The following PRKX variants were observed in gnomAD, a reference collection of about 807,000 sequenced individuals.
PRKX encodes cAMP-dependent protein kinase catalytic subunit PRKX.
In PRKX, 12 loss-of-function variants were observed where a neutral mutation model predicts 22.0. The ratio of observed to expected loss-of-function variants is 0.54; its 90% CI spans 0.35 to 0.88. PRKX has a LOEUF of 0.88. Ranked by LOEUF, PRKX falls within the 40% of genes least tolerant of loss-of-function variation. The pLI, the probability that PRKX is intolerant of heterozygous loss-of-function variation, is 0.01. For synonymous variants in PRKX, 134 were observed against 137.7 expected (o/e 0.97, Z 0.19); for missense variants, 217 against 308.0 (o/e 0.70, Z 2.21).
intron 2 of PRKX, among the ~76,000 whole-genome samples, chrX:3,673,631 G>A (rs765014580): frequency 9.0e-6 from 1 of 110,992 alleles, no homozygotes; most frequent in East Asian, 2.9e-4. Context: ...CAAGATGGCG[G>A]AGGGAAGACG....
chrX:3,621,379 C>T (rs2146560270), intron 5 of PRKX, 63 bp from the exon 6 acceptor site: 11 of 971,607 alleles, frequency 1.1e-5, no homozygotes, highest in Middle Eastern at 2.6e-4. Context: ...CATCAGCAAA[C>T]GCAGCATGGC....
intron 2 of PRKX, among the ~76,000 whole-genome samples, chrX:3,666,417 A>G (rs1323582564): frequency 2.7e-5 from 3 of 110,318 alleles, no homozygotes; most frequent in Admixed American, 9.7e-5. Flanking sequence ...CGGCCTCCCA[A>G]AGTGCTGGGA....
intron 4 of PRKX, among the ~76,000 whole-genome samples, chrX:3,629,246 CT>C (rs370663764): frequency 0.16 from 15,966 of 102,717 alleles, 1,027 homozygotes; most frequent in East Asian, 0.27. Flanking sequence ...CAGTGAACTA[CT>C]TTTTTTTTTT....
chrX:3,695,680 G>C (rs1173024142), intron 1 of PRKX, among the ~76,000 whole-genome samples: 1 of 111,916 alleles, frequency 8.9e-6, no homozygotes, highest in Non-Finnish European at 1.9e-5. Flanking sequence ...CAAAGTTTGA[G>C]TCACAGCGCA....
At position 3,651,551 on chromosome X, in the gene PRKX, G is replaced by A. The variant is rs765704930; in HGVS notation, c.599+3598C>T. 4.5e-5 allele frequency among the ~76,000 whole-genome samples: 5 copies of A among 111,916 alleles called. No individual in the cohort carries two copies. The East Asian group carries it at 1.4e-3, about 31-fold the overall frequency. On this transcript the variant is annotated intron_variant, in intron 3 of 8. Coordinates refer to ENST00000262848, the MANE Select transcript of PRKX (RefSeq NM_005044.5). Reference sequence around the variant, plus strand: ...TTCCATGTGCCTTATTTTTGGAAATGTAGTACAAGAAATACTATAGGGGAA... The same window carrying A: ...TTCCATGTGCCTTATTTTTGGAAATATAGTACAAGAAATACTATAGGGGAA...
intron 6 of PRKX, among the ~76,000 whole-genome samples, chrX:3,616,835 G>A (rs1926429823): frequency 8.9e-6 from 1 of 111,815 alleles, no homozygotes; most frequent in Non-Finnish European, 1.9e-5. Flanking sequence ...TAGCTGTTGA[G>A]TTTTCCCTTC....
At chrX:3,612,146 T>C in intron 8 of PRKX, 31 bp downstream of exon 8, 1 of 1,164,175 alleles carries the variant, frequency 8.6e-7, no homozygotes, top group Non-Finnish European at 1.2e-6. Flanking sequence ...TCAGTCTCAT[T>C]TTTTGGGAAT....
At chrX:3,690,027 G>A (rs1465431041) in intron 1 of PRKX, among the ~76,000 whole-genome samples, 4 of 111,708 alleles carry the variant, frequency 3.6e-5, no homozygotes, top group Admixed American at 9.5e-5. Context: ...TGAATAAACT[G>A]AAAACTAAAG....
chrX:3,663,779 C>A (rs962300269), intron 2 of PRKX, among the ~76,000 whole-genome samples: 2 of 110,554 alleles, frequency 1.8e-5, no homozygotes, highest in African/African-American at 6.6e-5. Context: ...AAATGAGGAA[C>A]TGATTAGGGC....
chrX:3,713,084 T>TCACC lies in PRKX; in HGVS notation c.166_166+3dup, dbSNP rs1338138942. 8.6e-7 allele frequency: 1 copy of TCACC among 1,161,035 alleles called. No individual in the cohort carries two copies. The highest frequency in any genetic ancestry group is 2.5e-5 in the Admixed American group (1 of 39,420). On this transcript the variant is annotated splice_donor_region_variant and intron_variant, in intron 1 of 8. Transcript: ENST00000262848. ...GGGCCGAGTCCCCGCCCGCACTCAC[T>TCACC]CACCCACGGTGGCCAGCGTGTCAAA...
At position 3,713,201 on chromosome X, in the gene PRKX, T is replaced by A. The variant is rs1427224300; in HGVS notation, c.53A>T (p.Lys18Met). ...QAAAAESDSRKVAEETPDGAP... is the reference protein window; with the variant it reads ...QAAAAESDSRMVAEETPDGAP... ...CCCGTCGGGGGTCTCCTCCGCCACC[T>A]TGCGGGAGTCGCTCTCCGCCGCGGC... The change falls in exon 1 of 9, where the codon AAG (lysine) becomes ATG (methionine). Residue 18 changes from lysine to methionine, a missense_variant. Physicochemically the swap from Lys to Met is moderately conservative, Grantham distance 95. Transcript: ENST00000262848. The A allele has an allele frequency of 3.7e-6, 4 of 1,091,597 alleles. No individual in the cohort carries two copies. The South Asian group carries it at 9.1e-5, about 25-fold the overall frequency. The allele number at this position is 1,091,597 out of a possible 1,213,427, so 90.0% of individuals were successfully genotyped here. A position where few individuals can be genotyped will look rare whatever the true frequency, so the allele number is the denominator to read the frequency against.
intron 4 of PRKX, among the ~76,000 whole-genome samples, chrX:3,640,313 G>A (rs961715604): frequency 3.6e-5 from 4 of 111,073 alleles, no homozygotes; most frequent in Non-Finnish European, 5.7e-5. Context: ...CCAGAGAGAA[G>A]AGCCTTTCGT....
At chrX:3,699,947 G>A in intron 1 of PRKX, among the ~76,000 whole-genome samples, 1 of 111,620 alleles carries the variant, frequency 9.0e-6, no homozygotes, top group African/African-American at 3.3e-5. Context: ...GGCTTTTTGG[G>A]TGAAGAGGAG....
intron 4 of PRKX, among the ~76,000 whole-genome samples, chrX:3,637,117 G>A (rs1180935725): frequency 1.9e-5 from 2 of 103,454 alleles, no homozygotes; most frequent in Non-Finnish European, 4.0e-5. Flanking sequence ...AGGGAGGGAG[G>A]GAGGAAAGGA....
At chrX:3,661,702 C>T in intron 2 of PRKX, among the ~76,000 whole-genome samples, 2 of 111,693 alleles carry the variant, frequency 1.8e-5, no homozygotes, top group Non-Finnish European at 3.8e-5. Flanking sequence ...TTACTATCTC[C>T]AAAAAACATT....
chrX:3,652,285 G>T (rs972581593), intron 3 of PRKX, among the ~76,000 whole-genome samples: 2 of 110,904 alleles, frequency 1.8e-5, no homozygotes, highest in South Asian at 7.7e-4. Flanking sequence ...GGGCGTGGTG[G>T]CGGGCGCCCG....
intron 4 of PRKX, among the ~76,000 whole-genome samples, chrX:3,632,338 G>A (rs1309806668): frequency 1.5e-4 from 17 of 110,922 alleles, no homozygotes; most frequent in Non-Finnish European, 2.1e-4. Flanking sequence ...TGCGATCTGC[G>A]CCAACCCTGC....
intron 3 of PRKX, among the ~76,000 whole-genome samples, chrX:3,648,579 T>C (rs1437312199): frequency 9.5e-6 from 1 of 105,001 alleles, no homozygotes; most frequent in Non-Finnish European, 1.9e-5. Context: ...GGCCATAAGG[T>C]TTCAATGTGA....
At chrX:3,612,141 C>T (rs993702481) in intron 8 of PRKX, 36 bp downstream of exon 8, 56 of 1,156,971 alleles carry the variant, frequency 4.8e-5, no homozygotes, top group South Asian at 2.0e-5. Context: ...TCGAGTCAGT[C>T]TCATTTTTTG....
Sources: gnomAD v4.1 joint callset for allele counts (sites outside exome capture counted in the v4.1 genomes callset) on GRCh38, gnomAD v4.1.1 for gene constraint, MANE v1.5 for transcripts, NCBI Gene and HGNC (gene_info 2026-07-23, HGNC 2026-07-21) for gene names.